Variants in CNTNAP2 observed in about 807,000 individuals in gnomAD.
CNTNAP2 encodes the protein contactin-associated protein-like 2.
A neutral mutation model predicts 155.2 loss-of-function variants in CNTNAP2; 98 were observed. The observed-to-expected ratio is 0.63, with a 90% confidence interval of 0.54 to 0.75. The LOEUF (loss-of-function observed/expected upper bound fraction) is 0.75. Ranked by LOEUF, CNTNAP2 falls within the 30% of genes least tolerant of loss-of-function variation. CNTNAP2 has a pLI of 0.00. For missense variants in CNTNAP2, 1,727 were observed against 1,688.1 expected, an observed-to-expected ratio of 1.02 and a Z score of -0.40; for synonymous variants, 651 against 631.2, an observed-to-expected ratio of 1.03 and a Z score of -0.47.
At chr7:146,622,590 T>C (rs546840365) in intron 1 of CNTNAP2, among the ~76,000 whole-genome samples, 3 of 152,264 alleles carry the variant, frequency 2.0e-5, no homozygotes, top group Admixed American at 2.0e-4. Flanking sequence ...TAATCAACTA[T>C]AATCAATTAC....
At chr7:146,433,759 G>C (rs1796204518) in intron 1 of CNTNAP2, among the ~76,000 whole-genome samples, 1 of 152,154 alleles carries the variant, frequency 6.6e-6, no homozygotes, top group Non-Finnish European at 1.5e-5. Flanking sequence ...GCAGAGTCTT[G>C]TGTCTTAAGC....
intron 1 of CNTNAP2, among the ~76,000 whole-genome samples, chr7:146,722,065 T>C (rs991703564): frequency 2.7e-5 from 4 of 150,518 alleles, no homozygotes; most frequent in Non-Finnish European, 5.9e-5. Flanking sequence ...TTTTTTTGTA[T>C]TTTTAGTAGA....
intron 1 of CNTNAP2, among the ~76,000 whole-genome samples, chr7:146,497,729 T>G (rs1244085780): frequency 6.6e-6 from 1 of 151,164 alleles, no homozygotes. Flanking sequence ...AATGATTTTT[T>G]TATTTATTCT....
chr7:146,935,242 C>T (rs1048001513), intron 3 of CNTNAP2, among the ~76,000 whole-genome samples: 1 of 152,108 alleles, frequency 6.6e-6, no homozygotes, highest in Non-Finnish European at 1.5e-5. Context: ...TAATTTTTCC[C>T]CTTGTTTAGG....
At chr7:146,291,380 C>T (rs1245614638) in intron 1 of CNTNAP2, among the ~76,000 whole-genome samples, 1 of 152,076 alleles carries the variant, frequency 6.6e-6, no homozygotes, top group Non-Finnish European at 1.5e-5. Flanking sequence ...AATAATATTT[C>T]ATGGTGCATG....
At chr7:147,729,428 GCA>G (rs3053507) in intron 13 of CNTNAP2, among the ~76,000 whole-genome samples, 34 of 149,314 alleles carry the variant, frequency 2.3e-4, no homozygotes, top group Admixed American at 1.1e-3. Flanking sequence ...ACACACACAC[GCA>G]CACACACACA....
chr7:146,396,810 A>G (rs945068147), intron 1 of CNTNAP2, among the ~76,000 whole-genome samples: 11 of 151,712 alleles, frequency 7.3e-5, no homozygotes, highest in Admixed American at 2.0e-4. Context: ...TTTTAAATAT[A>G]TATTAGGTAA....
At chr7:147,865,045 A>T (rs886901540) in intron 13 of CNTNAP2, among the ~76,000 whole-genome samples, 6 of 152,148 alleles carry the variant, frequency 3.9e-5, no homozygotes, top group African/African-American at 1.4e-4. Context: ...CCCATTCAGT[A>T]TGATATTGGC....
intron 21 of CNTNAP2, among the ~76,000 whole-genome samples, chr7:148,341,950 G>A (rs1219322286): frequency 6.6e-6 from 1 of 152,208 alleles, no homozygotes; most frequent in Non-Finnish European, 1.5e-5. Context: ...ATCTCTTCCC[G>A]AGGTTTGTGT....
At chr7:146,836,282 A>G (rs7802538) in intron 2 of CNTNAP2, among the ~76,000 whole-genome samples, 64,545 of 151,890 alleles carry the variant, frequency 0.42, 16,782 homozygotes, top group African/African-American at 0.74. Flanking sequence ...GGCAGGGATC[A>G]ACAAACTTCA....
At chr7:148,031,346 A>G (rs1222664152) in intron 15 of CNTNAP2, among the ~76,000 whole-genome samples, 1 of 152,234 alleles carries the variant, frequency 6.6e-6, no homozygotes, top group Non-Finnish European at 1.5e-5. Context: ...GCCTAGAGTC[A>G]GGAAGAAAGC....
intron 12 of CNTNAP2, among the ~76,000 whole-genome samples, chr7:147,617,548 G>T (rs1210763229): frequency 2.6e-5 from 4 of 151,802 alleles, no homozygotes; most frequent in Non-Finnish European, 4.4e-5. Flanking sequence ...TCTGCATATT[G>T]CCCCTCCCCA....
Position 147,529,545 on chromosome 7 carries a change from T to C in CNTNAP2, c.1778-32593T>C, listed in dbSNP as rs1018343209. On this transcript the variant is annotated intron_variant, in intron 11 of 23. Coordinates refer to ENST00000361727, the MANE Select transcript of CNTNAP2 (RefSeq NM_014141.6). ...CAGAGCAAAGTAACAATGCTGTTTT[T>C]TTTTTGGTTTCTATTTTCTTGTTTG... 3.9e-5 allele frequency among the ~76,000 whole-genome samples: 6 copies of C among 152,194 alleles called. No individual in the cohort carries two copies. In the East Asian group the frequency reaches 9.6e-4, roughly 24 times the overall value.
intron 8 of CNTNAP2, among the ~76,000 whole-genome samples, chr7:147,217,389 C>T (rs1314736315): frequency 6.6e-6 from 1 of 151,552 alleles, no homozygotes; most frequent in Non-Finnish European, 1.5e-5. Flanking sequence ...CAGATAATTT[C>T]TCTGCATTTA....
intron 12 of CNTNAP2, among the ~76,000 whole-genome samples, chr7:147,636,156 A>G (rs1041063265): frequency 3.1e-4 from 47 of 152,340 alleles, no homozygotes; most frequent in African/African-American, 1.1e-3. Context: ...CAAAGAGGCT[A>G]AAGGTAAAAC....
intron 21 of CNTNAP2, among the ~76,000 whole-genome samples, chr7:148,354,443 C>T (rs527668678): frequency 1.3e-5 from 2 of 152,152 alleles, no homozygotes; most frequent in Admixed American, 6.5e-5. Flanking sequence ...TTTTGGGGAG[C>T]CCTTAGGCTG....
chr7:146,587,329 A>T (rs1401650001), intron 1 of CNTNAP2, among the ~76,000 whole-genome samples: 1 of 152,102 alleles, frequency 6.6e-6, no homozygotes, highest in Non-Finnish European at 1.5e-5. Context: ...TATTTTTCTC[A>T]TTTGTACAGC....
chr7:146,404,291 C>T (rs567026782), intron 1 of CNTNAP2, among the ~76,000 whole-genome samples: 69 of 152,166 alleles, frequency 4.5e-4, no homozygotes, highest in African/African-American at 1.6e-3. Flanking sequence ...CAGATGGGGA[C>T]GCAGAGAAGC....
chr7:147,975,246 C>T (rs777204430), intron 14 of CNTNAP2, among the ~76,000 whole-genome samples: 1 of 151,986 alleles, frequency 6.6e-6, no homozygotes, highest in African/African-American at 2.4e-5. Context: ...AGGTCAAGAA[C>T]AGGCAAAGCT....
Sources: allele counts gnomAD v4.1 joint callset (sites outside exome capture counted in the v4.1 genomes callset), GRCh38; gene constraint gnomAD v4.1.1; transcripts MANE v1.5; gene names NCBI Gene and HGNC (gene_info 2026-07-23, HGNC 2026-07-21).